STK39: variants seen among roughly 807,000 people sequenced by gnomAD.
STK39 encodes STE20/SPS1-related proline-alanine-rich protein kinase.
In STK39, 20 loss-of-function variants were observed where a neutral mutation model predicts 77.8. The ratio of observed to expected loss-of-function variants is 0.26; its 90% CI spans 0.18 to 0.37. The LOEUF is 0.37. Ranked by LOEUF, STK39 falls within the 10% of genes least tolerant of loss-of-function variation. The pLI, the probability that STK39 is intolerant of heterozygous loss-of-function variation, is 1.00. For synonymous variants in STK39, 246 were observed against 234.1 expected (o/e 1.05, Z -0.47); for missense variants, 479 against 656.5 (o/e 0.73, Z 2.95).
intron 16 of STK39, among the ~76,000 whole-genome samples, chr2:167,972,496 G>A (rs545970033): frequency 3.2e-4 from 49 of 152,146 alleles, no homozygotes; most frequent in Admixed American, 1.2e-3. Context: ...TCACAATGGC[G>A]GCCCGGGTTC....
chr2:168,204,529 C>T (rs1689693345), intron 1 of STK39, among the ~76,000 whole-genome samples: 2 of 152,252 alleles, frequency 1.3e-5, no homozygotes, highest in African/African-American at 4.8e-5. Context: ...ACATTTAGGA[C>T]TGAACTGTCC....
In STK39 at chr2:168,247,325, CG is replaced by C; in HGVS notation, c.110del (p.Pro37ArgfsTer53). The C allele has an allele frequency of 1.1e-6, 1 of 890,304 alleles. No individual in the cohort carries two copies. Among genetic ancestry groups the C allele is most frequent in the Non-Finnish European group, 1.4e-6 (1 of 725,700 alleles). The allele number at this position is 890,304 out of a possible 1,614,324, so 55.2% of individuals were successfully genotyped here. A position where few individuals can be genotyped will look rare whatever the true frequency, so the allele number is the denominator to read the frequency against. The stretch of plus-strand genomic sequence containing the variant: ...CCGGGGCCGGGGCCGCGGGAGCTGC[CG>C]GGGCCGGCGCTGCTGTCGCGGCCGC... ...APAAATAAPA[P>X]AAPAAPAPAP... On this transcript the variant is annotated frameshift_variant, in exon 1 of 18. Coordinates refer to ENST00000355999, the MANE Select transcript of STK39 (RefSeq NM_013233.3). LOFTEE classifies it high-confidence loss of function.
chr2:168,178,481 T>G (rs1265996485), intron 2 of STK39, among the ~76,000 whole-genome samples: 3 of 152,226 alleles, frequency 2.0e-5, no homozygotes, highest in African/African-American at 7.2e-5. Context: ...AATGAATTTT[T>G]AGTGGGCATA....
At chr2:168,108,088 C>G (rs938969750) in intron 10 of STK39, among the ~76,000 whole-genome samples, 5 of 150,992 alleles carry the variant, frequency 3.3e-5, no homozygotes, top group African/African-American at 1.2e-4. Flanking sequence ...TATACTGGAA[C>G]AACAAGCTTT....
At chr2:168,229,720 T>C (rs1465956904) in intron 1 of STK39, among the ~76,000 whole-genome samples, 2 of 152,192 alleles carry the variant, frequency 1.3e-5, no homozygotes, top group African/African-American at 4.8e-5. Flanking sequence ...GACTTGTAGG[T>C]GGCAGGAGAA....
At chr2:167,992,781 G>A (rs1012984917) in intron 16 of STK39, among the ~76,000 whole-genome samples, 1 of 152,146 alleles carries the variant, frequency 6.6e-6, no homozygotes, top group Non-Finnish European at 1.5e-5. Context: ...ACCAAATATA[G>A]TTAAGAAAAT....
intron 8 of STK39, among the ~76,000 whole-genome samples, chr2:168,130,929 C>T (rs966337399): frequency 6.6e-6 from 1 of 152,158 alleles, no homozygotes; most frequent in African/African-American, 2.4e-5. Context: ...AACATTAAAA[C>T]CAAATGTAAC....
Position 168,247,496 on chromosome 2 carries a change from T to C in STK39, c.-61A>G. On this transcript the variant is annotated 5_prime_UTR_variant, in exon 1 of 18. Coordinates refer to ENST00000355999, the MANE Select transcript of STK39 (RefSeq NM_013233.3). ...GACGGACGACCTTCCACTTGAAACT[T>C]CCTTTGCCTCGCCGCCGACACCTCT... The C allele has an allele frequency of 1.7e-6, 2 of 1,210,084 alleles. No individual in the cohort carries two copies. 75.0% of individuals were successfully genotyped at this position (1,210,084 alleles called of 1,614,324 possible).
At chr2:168,142,681 A>C (rs1011440014) in intron 5 of STK39, among the ~76,000 whole-genome samples, 3 of 152,236 alleles carry the variant, frequency 2.0e-5, no homozygotes, top group Admixed American at 6.5e-5. Flanking sequence ...TATATCTGTA[A>C]TGATACATAC....
chr2:168,133,941 T>G (rs969530704), intron 8 of STK39, among the ~76,000 whole-genome samples: 2 of 152,040 alleles, frequency 1.3e-5, no homozygotes, highest in African/African-American at 2.4e-5. Context: ...GATTTTAGGG[T>G]TTTTTTGGTT....
chr2:168,188,824 G>A (rs544085562), intron 1 of STK39, among the ~76,000 whole-genome samples: 41 of 152,326 alleles, frequency 2.7e-4, no homozygotes, highest in African/African-American at 8.7e-4. Flanking sequence ...GTAACGGTGA[G>A]ACACACACAA....
chr2:168,242,288 C>A (rs1001735300), intron 1 of STK39, among the ~76,000 whole-genome samples: 6 of 151,910 alleles, frequency 3.9e-5, no homozygotes, highest in Non-Finnish European at 7.4e-5. Flanking sequence ...AGAGGCCGGG[C>A]ACAGTGACTC....
chr2:168,208,676 C>T (rs1297881460), intron 1 of STK39, among the ~76,000 whole-genome samples: 3 of 152,188 alleles, frequency 2.0e-5, no homozygotes, highest in Admixed American at 1.3e-4. Context: ...TTCTTGAGCA[C>T]AAAAGCACTG....
intron 10 of STK39, among the ~76,000 whole-genome samples, chr2:168,118,576 A>G (rs1190103421): frequency 3.5e-5 from 5 of 142,688 alleles, no homozygotes; most frequent in Non-Finnish European, 6.1e-5. Context: ...ACCAGAAAGG[A>G]GTCACTTTCC....
chr2:168,213,154 G>A (rs1416778792), intron 1 of STK39, among the ~76,000 whole-genome samples: 2 of 152,206 alleles, frequency 1.3e-5, no homozygotes, highest in African/African-American at 4.8e-5. Context: ...GACAGCAAAT[G>A]TCTAACAAGG....
At chr2:168,047,051 T>G (rs1047866107) in intron 14 of STK39, among the ~76,000 whole-genome samples, 1 of 152,114 alleles carries the variant, frequency 6.6e-6, no homozygotes, top group Non-Finnish European at 1.5e-5. Flanking sequence ...AAAAAGAGAA[T>G]GAAGCATTGT....
chr2:168,106,682 C>T (rs959594294), intron 10 of STK39, among the ~76,000 whole-genome samples: 4 of 151,732 alleles, frequency 2.6e-5, no homozygotes, highest in Admixed American at 1.3e-4. Flanking sequence ...ATTAGCTGGG[C>T]GTGGTGGTGC....
intron 14 of STK39, among the ~76,000 whole-genome samples, chr2:168,022,252 G>A (rs1252700501): frequency 2.0e-5 from 3 of 152,100 alleles, no homozygotes; most frequent in Non-Finnish European, 2.9e-5. Flanking sequence ...ATAAATACAA[G>A]TATAAAAATA....
intron 17 of STK39, among the ~76,000 whole-genome samples, chr2:167,958,609 T>C (rs1230397702): frequency 2.6e-5 from 4 of 152,210 alleles, no homozygotes; most frequent in African/African-American, 9.6e-5. Flanking sequence ...TTTTATGCTG[T>C]TTTCCTTGAA....
Sources: gnomAD v4.1 joint callset for allele counts (sites outside exome capture counted in the v4.1 genomes callset) on GRCh38, gnomAD v4.1.1 for gene constraint, MANE v1.5 for transcripts, NCBI Gene and HGNC (gene_info 2026-07-23, HGNC 2026-07-21) for gene names.